DPP8: variants seen among roughly 807,000 people sequenced by gnomAD.
DPP8 encodes DPP VIII.
DPP8 carries 31 observed loss-of-function variants against 107.5 expected under a neutral mutation model. That is an observed-to-expected ratio of 0.29 (90% CI 0.22 to 0.39). DPP8 has a LOEUF of 0.39. DPP8 is among the 10% of genes least tolerant of loss of function. DPP8 has a pLI of 1.00. For missense variants in DPP8, 842 were observed against 1,076.1 expected (o/e 0.78, Z 3.04); for synonymous variants, 381 against 356.6 (o/e 1.07, Z -0.77).
rs1291945060 is a variant in DPP8 at position 65,442,895 on chromosome 15, C to CA, written c.*3988dup. The CA allele has an allele frequency of 6.6e-6, 1 of 152,166 alleles. No individual in the cohort carries two copies. The highest frequency in any genetic ancestry group is 1.5e-5 in the Non-Finnish European group (1 of 68,028). 9.4% of individuals were successfully genotyped at this position (152,166 alleles called of 1,614,324 possible). A position where few individuals can be genotyped will look rare whatever the true frequency, so the allele number is the denominator to read the frequency against. On this transcript the variant is annotated 3_prime_UTR_variant, in exon 20 of 20. Transcript: ENST00000300141. The stretch of plus-strand genomic sequence containing the variant: ...TATATCTGCTGGGAATAGACACACT[C>CA]ACCTTATATAGTTTAGAAATGGCCA...
At chr15:65,479,634 G>A (rs563874308) in intron 10 of DPP8, among the ~76,000 whole-genome samples, 1 of 151,808 alleles carries the variant, frequency 6.6e-6, no homozygotes, top group South Asian at 2.1e-4. Flanking sequence ...CATGAGGTCA[G>A]GAGATCGAGA....
Position 65,443,863 on chromosome 15 carries a change from T to C in DPP8, c.*3021A>G, listed in dbSNP as rs11545071. Reference sequence around the variant, plus strand: ...CTTACTATAGGATCGCCTGGAAAGCTTGTTAGAAATGCACATTCCTGGTGT... The same window carrying C: ...CTTACTATAGGATCGCCTGGAAAGCCTGTTAGAAATGCACATTCCTGGTGT... On this transcript the variant is annotated 3_prime_UTR_variant, in exon 20 of 20. Transcript: ENST00000300141. The C allele has an allele frequency of 0.2, 30,780 of 152,154 alleles. 4,148 individuals carry two copies. Among genetic ancestry groups the C allele is most frequent in the East Asian group, 0.73 (3,763 of 5,172 alleles). 9.4% of individuals were successfully genotyped at this position (152,154 alleles called of 1,614,324 possible).
intron 14 of DPP8, among the ~76,000 whole-genome samples, chr15:65,465,191 A>G (rs2065242197): frequency 7.0e-6 from 1 of 143,140 alleles, no homozygotes; most frequent in African/African-American, 2.6e-5. Flanking sequence ...TTTTTGAGAC[A>G]GAGTTTCACT....
At chr15:65,468,513 A>G (rs567351932) in intron 12 of DPP8, among the ~76,000 whole-genome samples, 2 of 152,070 alleles carry the variant, frequency 1.3e-5, no homozygotes, top group South Asian at 2.1e-4. Flanking sequence ...AAAAAAATTC[A>G]AATTTTTTAC....
At position 65,480,172 on chromosome 15, in the gene DPP8, C is replaced by T. The variant is rs753059362; in HGVS notation, c.1296+50G>A. ...ATAGTTTGCTATATAACTTCATTTGCTTTAGCATTCTGAGAAAATATTTAA... is the reference window on the plus strand; with the variant it reads ...ATAGTTTGCTATATAACTTCATTTGTTTTAGCATTCTGAGAAAATATTTAA... On this transcript the variant is annotated intron_variant, in intron 10 of 19. Transcript: ENST00000300141. The T allele has an allele frequency of 7.8e-6, 12 of 1,533,690 alleles. No individual in the cohort carries two copies. In the South Asian group the frequency reaches 9.5e-5, roughly 12 times the overall value.
chr15:65,447,491 A>G (rs961163949), intron 19 of DPP8, among the ~76,000 whole-genome samples: 6 of 152,236 alleles, frequency 3.9e-5, no homozygotes, highest in African/African-American at 1.4e-4. Flanking sequence ...GGCAGTTTCA[A>G]TTAAGTAGCA....
intron 1 of DPP8, among the ~76,000 whole-genome samples, chr15:65,515,240 CTTA>C (rs1355785859): frequency 6.6e-6 from 1 of 152,006 alleles, no homozygotes; most frequent in Non-Finnish European, 1.5e-5. Flanking sequence ...TGCCCAGCTT[CTTA>C]TTATTCACGT....
chr15:65,466,662 G>A lies in DPP8; in HGVS notation c.1825+16C>T, dbSNP rs765876032. Reference sequence around the variant, plus strand: ...TAATCCTACTTAACGTCAGGATCAGGGGGAAAAAAGAATACCTGCTGAATC... The same window carrying A: ...TAATCCTACTTAACGTCAGGATCAGAGGGAAAAAAGAATACCTGCTGAATC... On this transcript the variant is annotated intron_variant, in intron 14 of 19. Transcript: ENST00000300141. 8.1e-6 allele frequency: 13 copies of A among 1,611,538 alleles called. No individual in the cohort carries two copies. The highest frequency in any genetic ancestry group is 1.6e-4 in the Middle Eastern group (1 of 6,082).
At position 65,443,867 on chromosome 15, in the gene DPP8, T is replaced by G. The variant is rs1439368367; in HGVS notation, c.*3017A>C. On this transcript the variant is annotated 3_prime_UTR_variant, in exon 20 of 20. Transcript: ENST00000300141. ...CTATAGGATCGCCTGGAAAGCTTGTTAGAAATGCACATTCCTGGTGTCTAC... is the reference window on the plus strand; with the variant it reads ...CTATAGGATCGCCTGGAAAGCTTGTGAGAAATGCACATTCCTGGTGTCTAC... 1 of 152,226 alleles carries G rather than the reference T, an allele frequency of 6.6e-6. No individual in the cohort carries two copies. Among genetic ancestry groups the G allele is most frequent in the Admixed American group, 6.5e-5 (1 of 15,284 alleles). The allele number at this position is 152,226 out of a possible 1,614,324, so 9.4% of individuals were successfully genotyped here. A position where few individuals can be genotyped will look rare whatever the true frequency, so the allele number is the denominator to read the frequency against.
intron 3 of DPP8, among the ~76,000 whole-genome samples, chr15:65,505,135 C>T (rs1249498247): frequency 1.3e-5 from 2 of 151,944 alleles, no homozygotes; most frequent in East Asian, 3.9e-4. Flanking sequence ...GCAGGCGGAT[C>T]ACGAGGTCAG....
intron 11 of DPP8, among the ~76,000 whole-genome samples, chr15:65,474,871 A>G (rs758347163): frequency 6.6e-6 from 1 of 152,242 alleles, no homozygotes; most frequent in Non-Finnish European, 1.5e-5. Context: ...CTGGAATAAT[A>G]ATGGAATGAT....
intron 9 of DPP8, 91 bp downstream of exon 9, chr15:65,481,424 C>T: frequency 1.2e-6 from 1 of 867,684 alleles, no homozygotes. Flanking sequence ...GTGAAGGCAG[C>T]TCCAACTACA....
At chr15:65,455,245 C>T (rs1415182461) in intron 16 of DPP8, 1 of 153,880 alleles carries the variant, frequency 6.5e-6, no homozygotes, top group Non-Finnish European at 1.4e-5. Context: ...TATCCTCCCA[C>T]CTCAAGCCTC....
intron 16 of DPP8, among the ~76,000 whole-genome samples, chr15:65,455,076 C>A (rs1039450913): frequency 6.6e-6 from 1 of 152,160 alleles, no homozygotes; most frequent in African/African-American, 2.4e-5. Flanking sequence ...TTGTAACAAG[C>A]CTTCCTATAC....
intron 14 of DPP8, among the ~76,000 whole-genome samples, chr15:65,465,810 C>T (rs540865051): frequency 6.6e-6 from 1 of 152,228 alleles, no homozygotes; most frequent in Non-Finnish European, 1.5e-5. Context: ...CCTACCTCGG[C>T]CTCCCAAAGT....
intron 1 of DPP8, among the ~76,000 whole-genome samples, chr15:65,514,224 A>C (rs1432591283): frequency 6.6e-6 from 1 of 152,200 alleles, no homozygotes; most frequent in Non-Finnish European, 1.5e-5. Context: ...TACCATTTTC[A>C]ATATAACAGT....
At chr15:65,475,483 C>T in intron 11 of DPP8, 1 of 1,522,656 alleles carries the variant, frequency 6.6e-7, no homozygotes, top group Non-Finnish European at 9.1e-7. Context: ...GTCCCTGTCT[C>T]ACTCCCACAT....
At chr15:65,482,868 G>A (rs185677098) in intron 8 of DPP8, among the ~76,000 whole-genome samples, 18 of 151,656 alleles carry the variant, frequency 1.2e-4, no homozygotes, top group East Asian at 9.8e-4. Flanking sequence ...AGGCCGAGGC[G>A]GGCAAATCAC....
chr15:65,448,984 A>C (rs1436515057), intron 19 of DPP8, among the ~76,000 whole-genome samples: 1 of 137,070 alleles, frequency 7.3e-6, no homozygotes, highest in Non-Finnish European at 1.6e-5. Flanking sequence ...CAAGGCCTCA[A>C]ATCACCTGAG....
Sources: gnomAD v4.1 joint callset for allele counts (sites outside exome capture counted in the v4.1 genomes callset) on GRCh38, gnomAD v4.1.1 for gene constraint, MANE v1.5 for transcripts, NCBI Gene and HGNC (gene_info 2026-07-23, HGNC 2026-07-21) for gene names.